Variants in VPS13D observed in about 807,000 individuals in gnomAD.
VPS13D encodes the protein vacuolar protein sorting 13 homolog D, also known as intermembrane lipid transfer protein VPS13D.
VPS13D carries 187 observed loss-of-function variants against 461.9 expected under a neutral mutation model. The observed-to-expected ratio is 0.40, with a 90% CI of 0.36 to 0.46. The LOEUF (loss-of-function observed/expected upper bound fraction) is 0.46. VPS13D is among the 20% of genes least tolerant of loss of function. VPS13D has a pLI of 0.60. For synonymous variants in VPS13D, 1,951 were observed against 1,986.3 expected (o/e 0.98, Z 0.47); for missense variants, 4,711 against 5,364.9 (o/e 0.88, Z 3.81).
chr1:12,367,665 G>C (rs1002479776), intron 52 of VPS13D: 1 of 151,944 alleles, frequency 6.6e-6, no homozygotes, highest in Admixed American at 6.5e-5. Flanking sequence ...GTGCAGTGGC[G>C]CGATCTCGGA....
chr1:12,333,169 C>G (rs886971118), intron 37 of VPS13D, 57 bp from the exon 38 acceptor site: 10 of 1,563,396 alleles, frequency 6.4e-6, no homozygotes, highest in African/African-American at 5.5e-5. Flanking sequence ...GAGCAGTGTT[C>G]CCCTATAAAC....
At chr1:12,296,394 A>G (rs1642277027) in intron 24 of VPS13D, among the ~76,000 whole-genome samples, 1 of 152,230 alleles carries the variant, frequency 6.6e-6, no homozygotes, top group Non-Finnish European at 1.5e-5. Context: ...TGCTTTTATA[A>G]AATAATTTAG....
chr1:12,422,301 A>G (rs1644874578), intron 65 of VPS13D, among the ~76,000 whole-genome samples: 1 of 152,212 alleles, frequency 6.6e-6, no homozygotes, highest in South Asian at 2.1e-4. Context: ...CATGTAAATT[A>G]GAATTCATTG....
At chr1:12,414,766 T>C (rs1363892075) in intron 63 of VPS13D, among the ~76,000 whole-genome samples, 3 of 152,340 alleles carry the variant, frequency 2.0e-5, no homozygotes, top group Admixed American at 1.3e-4. Context: ...TATACTTTTC[T>C]GTGTGTGTGG....
rs766486185 is a variant in VPS13D at position 12,253,804 on chromosome 1, A to T, written c.647A>T (p.Asp216Val). The change falls in exon 7 of 70, where the codon GAT (aspartate) becomes GTT (valine). Residue 216 changes from aspartate (D) to valine (V), a missense_variant. Around this residue, in one of 3 missense-constraint regions of VPS13D, gnomAD observed 4,411 missense variants for 4,937.8 expected, o/e 0.89. Coordinates refer to ENST00000620676, the MANE Select transcript of VPS13D (RefSeq NM_015378.4). The stretch of plus-strand genomic sequence containing the variant: ...GATGTCGATTGCACTTTACTGGGGG[A>T]TTTGCCTCAGATGGAGTTACAGGTA... Reference protein sequence around the residue: ...YWDVDCTLLGDLPQMELQEAM... With the variant: ...YWDVDCTLLGVLPQMELQEAM... 35 of 1,613,966 alleles carry T rather than the reference A, an allele frequency of 2.2e-5. No individual in the cohort carries two copies. In the South Asian group the frequency reaches 3.7e-4, roughly 17 times the overall value.
intron 29 of VPS13D, among the ~76,000 whole-genome samples, 178 bp from the exon 30 acceptor site, chr1:12,313,937 C>G (rs1384774791): frequency 1.3e-5 from 2 of 152,206 alleles, no homozygotes; most frequent in East Asian, 3.8e-4. Context: ...CACAGTGACA[C>G]TAACTCCATT....
In VPS13D at chr1:12,318,102, A is replaced by G. The variant is rs1642937391; in HGVS notation, c.7179A>G (p.Val2393=). The G allele has an allele frequency of 1.9e-6, 3 of 1,613,762 alleles. No homozygotes were observed. The highest frequency in any genetic ancestry group is 2.7e-5 in the African/African-American group (2 of 75,042). The change falls in exon 31 of 70, where the codon GTA becomes GTG. Residue 2393 remains valine, a synonymous_variant. Transcript: ENST00000620676. Reference sequence around the variant, plus strand: ...CCAAGGATTCCTCCTGCTTTACAGTAGTTCTCAACAATCTCCGTGTGTTTC... The same window carrying G: ...CCAAGGATTCCTCCTGCTTTACAGTGGTTCTCAACAATCTCCGTGTGTTTC... The part of the protein sequence containing the change: ...RSTKDSSCFT[V]VLNNLRVFLI...
At chr1:12,435,375 C>T (rs759742835) in intron 65 of VPS13D, among the ~76,000 whole-genome samples, 1 of 152,072 alleles carries the variant, frequency 6.6e-6, no homozygotes, top group Non-Finnish European at 1.5e-5. Flanking sequence ...GTGGGAGGAT[C>T]ATCCGAGCCT....
chr1:12,472,303 A>G (rs924291688), intron 67 of VPS13D, among the ~76,000 whole-genome samples: 4 of 152,140 alleles, frequency 2.6e-5, no homozygotes, highest in African/African-American at 9.7e-5. Context: ...TCAAGTGGGG[A>G]CCTGCTGACT....
intron 35 of VPS13D, among the ~76,000 whole-genome samples, chr1:12,325,641 C>A (rs979366478): frequency 6.6e-6 from 1 of 152,166 alleles, no homozygotes. Flanking sequence ...CTGGTAGATT[C>A]TGTTGCCAAT....
At position 12,299,548 on chromosome 1, in the gene VPS13D, A is replaced by G. The variant is rs1419377642; in HGVS notation, c.6216+164A>G. On this transcript the variant is annotated intron_variant, in intron 25 of 69. Coordinates refer to ENST00000620676, the MANE Select transcript of VPS13D (RefSeq NM_015378.4). The surrounding 1 kb of genome is among the most constrained non-coding windows in gnomAD (Gnocchi z 4.2). ...TTTTATTGATATTTCAGTTAACCTTATGAATTGAGGTAGTGTAAATTATAA... is the reference window on the plus strand; with the variant it reads ...TTTTATTGATATTTCAGTTAACCTTGTGAATTGAGGTAGTGTAAATTATAA... Among the ~76,000 whole-genome samples, 1 of 152,122 alleles carries G rather than the reference A, an allele frequency of 6.6e-6. No homozygotes were observed. Among genetic ancestry groups the G allele is most frequent in the African/African-American group, 2.4e-5 (1 of 41,422 alleles).
At chr1:12,296,680 A>G (rs1445307142) in intron 24 of VPS13D, among the ~76,000 whole-genome samples, 2 of 152,032 alleles carry the variant, frequency 1.3e-5, no homozygotes, top group East Asian at 1.9e-4. Context: ...TTTTTGAATT[A>G]TGTTTACAGT....
At chr1:12,405,418 A>G (rs1026122141) in intron 63 of VPS13D, among the ~76,000 whole-genome samples, 3 of 152,172 alleles carry the variant, frequency 2.0e-5, no homozygotes, top group African/African-American at 7.2e-5. Flanking sequence ...ATTGACACAC[A>G]GGTAATGAGA....
chr1:12,366,698 T>C (rs1420711004), intron 52 of VPS13D, among the ~76,000 whole-genome samples: 1 of 152,216 alleles, frequency 6.6e-6, no homozygotes, highest in African/African-American at 2.4e-5. Flanking sequence ...TTCATTTACT[T>C]TCCTCACCTT....
At chr1:12,428,306 C>T (rs1050920642) in intron 65 of VPS13D, among the ~76,000 whole-genome samples, 1 of 152,196 alleles carries the variant, frequency 6.6e-6, no homozygotes, top group Non-Finnish European at 1.5e-5. Context: ...CAGGCACAGG[C>T]ATATCACACT....
intron 26 of VPS13D, among the ~76,000 whole-genome samples, chr1:12,305,431 C>T (rs952951864): frequency 2.0e-5 from 3 of 152,008 alleles, no homozygotes; most frequent in Non-Finnish European, 4.4e-5. Flanking sequence ...TGTGTCATCA[C>T]GCTCAGCTAA....
At chr1:12,295,043 G>A (rs1340311134) in intron 24 of VPS13D, among the ~76,000 whole-genome samples, 1 of 151,868 alleles carries the variant, frequency 6.6e-6, no homozygotes, top group Non-Finnish European at 1.5e-5. Context: ...GCAACATGGT[G>A]GAATTCTGTC....
chr1:12,415,173 T>C lies in VPS13D; in HGVS notation c.12117T>C (p.Tyr4039=). ...ATCCATTCACTCGGGTACATCCCTA[T>C]GAGACCAAGGAGTTCATCATCAATG... ...NLDPFTRVHP[Y]ETKEFIINDI... is the part of the protein sequence containing the mutation. Residue 4039 remains tyrosine (Y), a synonymous_variant, in exon 64 of 70, where the codon TAT becomes TAC. Coordinates refer to ENST00000620676, the MANE Select transcript of VPS13D (RefSeq NM_015378.4). 1 of 1,614,132 alleles carries C rather than the reference T, an allele frequency of 6.2e-7. No individual in the cohort carries two copies. Among genetic ancestry groups the C allele is most frequent in the South Asian group, 1.1e-5 (1 of 91,084 alleles).
intron 63 of VPS13D, 73 bp downstream of exon 63, chr1:12,404,046 T>C: frequency 3.2e-5 from 45 of 1,416,382 alleles, no homozygotes; most frequent in Non-Finnish European, 4.1e-5. Context: ...TACTATTTGT[T>C]GTTTGTTGTT....
Sources: gnomAD v4.1 joint callset for allele counts (sites outside exome capture counted in the v4.1 genomes callset) on GRCh38, gnomAD v4.1.1 for gene constraint, gnomAD v4.1.1 regional missense constraint, Gnocchi (gnomAD v3.1) non-coding constraint, MANE v1.5 for transcripts, NCBI Gene and HGNC (gene_info 2026-07-23, HGNC 2026-07-21) for gene names.